Variants in CHODL observed in about 807,000 individuals in gnomAD.
The protein encoded by CHODL is chondrolectin.
Under a neutral mutation model 34.5 loss-of-function variants are expected in CHODL, and 29 were observed. That is an observed-to-expected ratio of 0.84 (90% CI 0.63 to 1.15). The LOEUF is 1.15. Ranked by LOEUF, CHODL falls within the 50% of genes most tolerant of loss-of-function variation. CHODL has a pLI of 0.00. For missense variants in CHODL, 332 were observed against 332.5 expected, an observed-to-expected ratio of 1.00 and a Z score of 0.01; for synonymous variants, 125 against 116.1, an observed-to-expected ratio of 1.08 and a Z score of -0.49.
intron 1 of CHODL, among the ~76,000 whole-genome samples, chr21:17,962,309 T>C (rs1366504191): frequency 6.6e-6 from 1 of 152,218 alleles, no homozygotes; most frequent in Non-Finnish European, 1.5e-5. Context: ...AATAGGACCA[T>C]TCTCTAATAT....
chr21:18,149,975 C>T (rs891303911), intron 2 of CHODL, among the ~76,000 whole-genome samples: 3 of 152,108 alleles, frequency 2.0e-5, no homozygotes, highest in African/African-American at 7.2e-5. Context: ...GAACATGTGC[C>T]CAAGGTGGTT....
chr21:17,944,212 T>C (rs4818395), intron 1 of CHODL, among the ~76,000 whole-genome samples: 66,017 of 151,886 alleles, frequency 0.43, 14,728 homozygotes, highest in East Asian at 0.61. Context: ...ACAGCAACTC[T>C]GCATAGCCAA....
At chr21:17,936,667 G>A (rs2063321516) in intron 1 of CHODL, among the ~76,000 whole-genome samples, 1 of 152,172 alleles carries the variant, frequency 6.6e-6, no homozygotes, top group Non-Finnish European at 1.5e-5. Context: ...AGATGCCGTG[G>A]ACATAAGTGG....
At chr21:18,130,865 T>G (rs2072646031) in intron 2 of CHODL, among the ~76,000 whole-genome samples, 2 of 152,254 alleles carry the variant, frequency 1.3e-5, no homozygotes, top group African/African-American at 4.8e-5. Flanking sequence ...GTTGAAGTGG[T>G]CTTTTTGATA....
chr21:18,196,491 G>A (rs2146701438), intron 2 of CHODL, among the ~76,000 whole-genome samples: 1 of 152,184 alleles, frequency 6.6e-6, no homozygotes, highest in East Asian at 1.9e-4. Flanking sequence ...ACAGTAATTG[G>A]TGACTGGCAG....
At chr21:18,194,382 C>T (rs2073556091) in intron 2 of CHODL, among the ~76,000 whole-genome samples, 1 of 152,158 alleles carries the variant, frequency 6.6e-6, no homozygotes, top group Non-Finnish European at 1.5e-5. Flanking sequence ...TGCTTCAGCC[C>T]CCTTGCCCTT....
chr21:17,930,813 CCT>C (rs961038556), intron 1 of CHODL, among the ~76,000 whole-genome samples: 1 of 152,182 alleles, frequency 6.6e-6, no homozygotes, highest in East Asian at 1.9e-4. Flanking sequence ...AACCATTCCC[CCT>C]CTCTCTATGA....
intron 1 of CHODL, among the ~76,000 whole-genome samples, chr21:18,246,468 G>A (rs1232325883): frequency 6.6e-6 from 1 of 152,062 alleles, no homozygotes; most frequent in Non-Finnish European, 1.5e-5. Flanking sequence ...AATTTGTGAT[G>A]TTCTACAGCT....
At chr21:18,009,964 A>G (rs1004164843) in intron 1 of CHODL, among the ~76,000 whole-genome samples, 1 of 151,650 alleles carries the variant, frequency 6.6e-6, no homozygotes, top group Non-Finnish European at 1.5e-5. Context: ...AGCCAAACAG[A>G]CACAGAGATA....
rs567038897 is a variant in CHODL, at chr21:17,981,900, A to G, written c.-144-45972A>G. On this transcript the variant is annotated intron_variant, in intron 1 of 6. Transcript: ENST00000400127. The stretch of plus-strand genomic sequence containing the variant: ...TGTAAAAGAAGACAAATGAAAATGT[A>G]TGAAAGCCAAACTTTCAAAGATAGA... 1.3e-4 allele frequency among the ~76,000 whole-genome samples: 20 copies of G among 152,358 alleles called. No individual in the cohort carries two copies. In the South Asian group the frequency reaches 4.1e-3, roughly 32 times the overall value.
chr21:18,043,982 G>T (rs1024378105), intron 2 of CHODL, among the ~76,000 whole-genome samples: 2 of 151,752 alleles, frequency 1.3e-5, no homozygotes, highest in Non-Finnish European at 2.9e-5. Flanking sequence ...CCATGATTCA[G>T]TTATCTCCCC....
intron 2 of CHODL, among the ~76,000 whole-genome samples, chr21:18,147,460 C>G (rs2072907447): frequency 6.6e-6 from 1 of 152,320 alleles, no homozygotes; most frequent in South Asian, 2.1e-4. Flanking sequence ...GTGGCTAAAT[C>G]TGCTAAATAA....
chr21:18,182,975 C>T (rs1310508947), intron 2 of CHODL, among the ~76,000 whole-genome samples: 4 of 152,050 alleles, frequency 2.6e-5, no homozygotes, highest in Non-Finnish European at 4.4e-5. Context: ...ATTCTGAGGT[C>T]ATAAAGCCTA....
At chr21:17,959,839 A>G (rs761832073) in intron 1 of CHODL, among the ~76,000 whole-genome samples, 3 of 152,194 alleles carry the variant, frequency 2.0e-5, no homozygotes, top group South Asian at 4.1e-4. Flanking sequence ...AAGTGATTCA[A>G]TGTTCTAACA....
intron 2 of CHODL, among the ~76,000 whole-genome samples, chr21:18,089,022 T>A (rs2146526222): frequency 6.6e-6 from 1 of 152,308 alleles, no homozygotes; most frequent in South Asian, 2.1e-4. Context: ...CTCCTCCTGA[T>A]GGGTACTCTC....
chr21:18,142,020 C>A (rs887739414), intron 2 of CHODL, among the ~76,000 whole-genome samples: 3 of 151,956 alleles, frequency 2.0e-5, no homozygotes, highest in Non-Finnish European at 4.4e-5. Flanking sequence ...TAAGGAGGTG[C>A]CCCCAAAGAA....
At chr21:18,061,359 G>T (rs2064662642) in intron 2 of CHODL, among the ~76,000 whole-genome samples, 1 of 152,106 alleles carries the variant, frequency 6.6e-6, no homozygotes, top group Middle Eastern at 3.2e-3. Context: ...TATATAAGCA[G>T]TAATGTAAGG....
At chr21:18,020,314 T>C (rs1371077896) in intron 1 of CHODL, among the ~76,000 whole-genome samples, 1 of 152,274 alleles carries the variant, frequency 6.6e-6, no homozygotes, top group African/African-American at 2.4e-5. Context: ...AATTGTAGTC[T>C]AAGTCAAGGA....
Position 18,122,729 on chromosome 21 carries a change from C to T in CHODL, c.-45+94758C>T, listed in dbSNP as rs758189604. Among the ~76,000 whole-genome samples the T allele has an allele frequency of 2.4e-4, 36 of 152,164 alleles. 1 individual carries two copies. The highest frequency in any genetic ancestry group is 4.6e-4 in the Non-Finnish European group (31 of 68,014). ...GATTACAAATAAAGCACTACTAAAG[C>T]TAATGGCTGGATATTTAAAAAATGC... On this transcript the variant is annotated intron_variant, in intron 2 of 6. Coordinates refer to the CHODL transcript ENST00000400127.
Sources: allele counts gnomAD v4.1 joint callset (sites outside exome capture counted in the v4.1 genomes callset), GRCh38; gene constraint gnomAD v4.1.1; transcripts MANE v1.5; gene names NCBI Gene and HGNC (gene_info 2026-07-23, HGNC 2026-07-21).